GLIS3: variants seen among roughly 807,000 people sequenced by gnomAD.
GLIS3 encodes zinc finger protein GLIS3.
A neutral mutation model predicts 78.6 loss-of-function variants in GLIS3; 53 were observed. The observed-to-expected ratio is 0.67, with a 90% CI of 0.54 to 0.85. The LOEUF is 0.85. Among genes scored for constraint, GLIS3 ranks in the 40% least tolerant of loss-of-function variants. The pLI, the probability that GLIS3 is intolerant of heterozygous loss-of-function variation, is 0.00. For synonymous variants in GLIS3, 684 were observed against 509.9 expected, an observed-to-expected ratio of 1.34 and a Z score of -4.60; for missense variants, 1,703 against 1,231.1, an observed-to-expected ratio of 1.38 and a Z score of -5.74.
chr9:4,484,476 T>C, the GLIS3 span, among the ~76,000 whole-genome samples: 1 of 136,326 alleles, frequency 7.3e-6, no homozygotes, highest in South Asian at 2.5e-4. Flanking sequence ...TGCAGTGCAG[T>C]GGCTCAGTCT....
intron 4 of GLIS3, among the ~76,000 whole-genome samples, chr9:4,030,600 T>C (rs1328588677): frequency 6.6e-6 from 1 of 152,212 alleles, no homozygotes; most frequent in Non-Finnish European, 1.5e-5. Context: ...TTAAGCCATT[T>C]TGAATTTTAG....
chr9:4,430,213 TG>T, the GLIS3 span, among the ~76,000 whole-genome samples: 1 of 152,252 alleles, frequency 6.6e-6, no homozygotes. Context: ...GGTGCATGCA[TG>T]CCTGTCTAAT....
intron 2 of GLIS3, among the ~76,000 whole-genome samples, chr9:4,240,646 T>A (rs1184230845): frequency 1.3e-5 from 2 of 152,308 alleles, no homozygotes; most frequent in Non-Finnish European, 2.9e-5. Context: ...GTAAAAAAGT[T>A]AGAAGAAATT....
chr9:4,188,548 T>C (rs1404536802), intron 2 of GLIS3, among the ~76,000 whole-genome samples: 3 of 151,936 alleles, frequency 2.0e-5, no homozygotes, highest in Non-Finnish European at 4.4e-5. Context: ...TTTCTATTGA[T>C]TGGAATAGTT....
At chr9:4,226,559 A>C (rs1821785951) in intron 2 of GLIS3, among the ~76,000 whole-genome samples, 1 of 152,182 alleles carries the variant, frequency 6.6e-6, no homozygotes, top group African/African-American at 2.4e-5. Flanking sequence ...GGTGGAGCTA[A>C]GCAGAGGTAA....
intron 2 of GLIS3, among the ~76,000 whole-genome samples, chr9:4,142,823 A>T (rs1833910077): frequency 6.6e-6 from 1 of 152,202 alleles, no homozygotes; most frequent in Non-Finnish European, 1.5e-5. Context: ...ATTTCCTTCC[A>T]AACCTAACCC....
At chr9:4,468,840 G>A in the GLIS3 span, among the ~76,000 whole-genome samples, 1 of 152,238 alleles carries the variant, frequency 6.6e-6, no homozygotes, top group South Asian at 2.1e-4. Flanking sequence ...ACACAGACTG[G>A]CAAATTGGAT....
At chr9:3,850,195 A>C (rs1044191242) in intron 9 of GLIS3, among the ~76,000 whole-genome samples, 1 of 152,182 alleles carries the variant, frequency 6.6e-6, no homozygotes, top group Non-Finnish European at 1.5e-5. Flanking sequence ...AATAGACTGG[A>C]AAGGCTGGCT....
At position 4,177,770 on chromosome 9, in the gene GLIS3, A is replaced by AT. The variant is rs981440580; in HGVS notation, c.389-51830dup. ...AAGTGTTCCTGGTGGGTTTGGAGGTATTTTTTTTCTTTCTGAAAGTGCAGT... is the reference window on the plus strand; with the variant it reads ...AAGTGTTCCTGGTGGGTTTGGAGGTATTTTTTTTTCTTTCTGAAAGTGCAGT... On this transcript the variant is annotated intron_variant, in intron 2 of 10. Transcript: ENST00000381971. 7.2e-5 allele frequency among the ~76,000 whole-genome samples: 11 copies of AT among 152,172 alleles called. No homozygotes were observed. In the East Asian group the frequency reaches 1.2e-3, roughly 16 times the overall value.
chr9:4,330,529 G>T (rs1817669422), intron 2 of GLIS3, among the ~76,000 whole-genome samples: 1 of 152,184 alleles, frequency 6.6e-6, no homozygotes, highest in African/African-American at 2.4e-5. Flanking sequence ...TTAGGTGGAG[G>T]GAGATGAAGG....
chr9:4,343,798 G>T (rs1817869114), intron 2 of GLIS3, among the ~76,000 whole-genome samples: 1 of 152,136 alleles, frequency 6.6e-6, no homozygotes, highest in Non-Finnish European at 1.5e-5. Context: ...ATTATCCTAA[G>T]TGAATTAACT....
the GLIS3 span, among the ~76,000 whole-genome samples, chr9:4,407,589 G>C: frequency 6.6e-6 from 1 of 152,254 alleles, no homozygotes. Flanking sequence ...GGAGCTTGCG[G>C]TGAGCCGAGA....
At chr9:4,057,342 C>T (rs188768080) in intron 4 of GLIS3, among the ~76,000 whole-genome samples, 81 of 152,244 alleles carry the variant, frequency 5.3e-4, no homozygotes, top group African/African-American at 1.8e-3. Flanking sequence ...TTATGAAACT[C>T]GTTCTCCTTT....
intron 4 of GLIS3, among the ~76,000 whole-genome samples, chr9:4,089,976 C>T (rs1156452257): frequency 6.6e-6 from 1 of 152,212 alleles, no homozygotes; most frequent in African/African-American, 2.4e-5. Context: ...ATGCCCACGG[C>T]AGAGGGGTGC....
chr9:4,354,687 T>C, the GLIS3 span, among the ~76,000 whole-genome samples: 7 of 152,100 alleles, frequency 4.6e-5, no homozygotes, highest in Non-Finnish European at 7.3e-5. Context: ...AATAACCCCA[T>C]TGGCAGCACT....
At chr9:4,000,683 A>G (rs1195287902) in intron 4 of GLIS3, among the ~76,000 whole-genome samples, 1 of 152,156 alleles carries the variant, frequency 6.6e-6, no homozygotes, top group Non-Finnish European at 1.5e-5. Flanking sequence ...AAGGCAAACT[A>G]GAATCTTCCC....
intron 4 of GLIS3, among the ~76,000 whole-genome samples, chr9:3,966,631 C>G (rs774254212): frequency 2.0e-5 from 3 of 151,822 alleles, no homozygotes; most frequent in Non-Finnish European, 4.4e-5. Context: ...CCTGTCTCTA[C>G]TAAAACTACA....
chr9:4,169,987 G>T (rs1019401906), intron 2 of GLIS3, among the ~76,000 whole-genome samples: 1 of 152,112 alleles, frequency 6.6e-6, no homozygotes, highest in African/African-American at 2.4e-5. Flanking sequence ...AAAGGGATAC[G>T]CCAGAGAATT....
chr9:4,244,882 A>C (rs1823655423), intron 2 of GLIS3, among the ~76,000 whole-genome samples: 1 of 152,136 alleles, frequency 6.6e-6, no homozygotes, highest in African/African-American at 2.4e-5. Flanking sequence ...GACCACAAGG[A>C]ATTTTTAAAT....
Sources: gnomAD v4.1 joint callset for allele counts (sites outside exome capture counted in the v4.1 genomes callset) on GRCh38, gnomAD v4.1.1 for gene constraint, MANE v1.5 for transcripts, NCBI Gene and HGNC (gene_info 2026-07-23, HGNC 2026-07-21) for gene names.